CACNA1C: variants seen among roughly 807,000 people sequenced by gnomAD.
The protein encoded by CACNA1C is voltage-dependent L-type calcium channel subunit alpha-1C.
CACNA1C carries 30 observed loss-of-function variants against 229.0 expected under a neutral mutation model. The observed-to-expected ratio is 0.13, with a 90% CI of 0.10 to 0.18. The LOEUF is 0.18. Among genes scored for constraint, CACNA1C ranks in the 10% least tolerant of loss-of-function variants. CACNA1C has a pLI of 1.00. For synonymous variants in CACNA1C, 1,114 were observed against 1,132.5 expected (o/e 0.98, Z 0.33); for missense variants, 1,658 against 2,845.0 (o/e 0.58, Z 9.49).
chr12:2,153,947 A>G (rs1346596457), intron 3 of CACNA1C, among the ~76,000 whole-genome samples: 1 of 152,194 alleles, frequency 6.6e-6, no homozygotes, highest in Non-Finnish European at 1.5e-5. Context: ...CCGTCCTTGG[A>G]CATTTATTTC....
intron 1 of CACNA1C, among the ~76,000 whole-genome samples, chr12:1,995,139 T>A (rs2040486994): frequency 6.6e-6 from 1 of 152,120 alleles, no homozygotes; most frequent in South Asian, 2.1e-4. Context: ...TAGTAAGAAA[T>A]CCTTGAAAAT....
intron 13 of CACNA1C, among the ~76,000 whole-genome samples, chr12:2,577,495 C>T (rs566962988): frequency 1.2e-4 from 18 of 152,326 alleles, no homozygotes; most frequent in African/African-American, 4.1e-4. Flanking sequence ...ATGGAACAGT[C>T]AGGAATCTCA....
At chr12:2,073,820 C>G (rs1003886052) in intron 1 of CACNA1C, among the ~76,000 whole-genome samples, 2 of 152,158 alleles carry the variant, frequency 1.3e-5, no homozygotes, top group Non-Finnish European at 2.9e-5. Context: ...CCTATGACTT[C>G]CAGTTAAATC....
In CACNA1C at chr12:2,638,137, C is replaced by A. The variant is rs546777930; in HGVS notation, c.3912+3757C>A. ...TAGAAGGGAATAATCAGACAATTCACAATGCAATGAGGACAGAAAATAAGG... is the reference window on the plus strand; with the variant it reads ...TAGAAGGGAATAATCAGACAATTCAAAATGCAATGAGGACAGAAAATAAGG... On this transcript the variant is annotated intron_variant, in intron 30 of 46. Transcript: ENST00000399655. Among the ~76,000 whole-genome samples the A allele has an allele frequency of 2.0e-5, 3 of 152,252 alleles. No individual in the cohort carries two copies. The South Asian group carries it at 6.2e-4, about 32-fold the overall frequency.
In CACNA1C at chr12:2,346,291, G is replaced by T. The variant is rs886172613; in HGVS notation, c.478-102685G>T. ...ATGTGCCTGTGTCTCTATGTAATGT[G>T]TTTGTGTGTACATTTCTGTGTGTCT... On this transcript the variant is annotated intron_variant, in intron 3 of 46. Transcript: ENST00000399655. The surrounding 1 kb of genome is among the most constrained non-coding windows in gnomAD (Gnocchi z 4.4). Among the ~76,000 whole-genome samples, 2 of 152,038 alleles carry T rather than the reference G, an allele frequency of 1.3e-5. No homozygotes were observed. Among genetic ancestry groups the T allele is most frequent in the African/African-American group, 4.8e-5 (2 of 41,410 alleles).
At chr12:2,500,025 G>A (rs1036272034) in intron 7 of CACNA1C, among the ~76,000 whole-genome samples, 2 of 149,660 alleles carry the variant, frequency 1.3e-5, no homozygotes, top group South Asian at 4.2e-4. Flanking sequence ...CCAGAGCCAG[G>A]CAGGCCAGAG....
chr12:2,207,085 G>A (rs1481918505), intron 3 of CACNA1C, among the ~76,000 whole-genome samples: 1 of 152,192 alleles, frequency 6.6e-6, no homozygotes, highest in East Asian at 1.9e-4. Flanking sequence ...TTGCTTTGGG[G>A]ATGTGTCTGG....
chr12:2,313,344 T>C (rs185065887), intron 3 of CACNA1C, among the ~76,000 whole-genome samples: 2 of 152,284 alleles, frequency 1.3e-5, no homozygotes, highest in Admixed American at 1.3e-4. Context: ...TTGCAGGTGA[T>C]CATTCAGACT....
intron 3 of CACNA1C, among the ~76,000 whole-genome samples, chr12:2,138,832 C>T (rs1597042708): frequency 6.6e-6 from 1 of 150,842 alleles, no homozygotes; most frequent in African/African-American, 2.4e-5. Context: ...TCAGGTATTC[C>T]TTTATAGCAA....
At chr12:2,043,642 C>CTTTTTTT (rs67625680) in intron 1 of CACNA1C, among the ~76,000 whole-genome samples, 5 of 91,382 alleles carry the variant, frequency 5.5e-5, no homozygotes, top group Non-Finnish European at 8.1e-5. Flanking sequence ...ACAGAATATT[C>CTTTTTTT]TTTTTTTTTT....
At chr12:2,014,355 C>G (rs1046783123) in intron 1 of CACNA1C, among the ~76,000 whole-genome samples, 2 of 151,990 alleles carry the variant, frequency 1.3e-5, no homozygotes, top group Non-Finnish European at 2.9e-5. Context: ...ACTCATGGCT[C>G]AGCACTTTCC....
chr12:2,664,476 A>AT (rs2095959394), intron 34 of CACNA1C, among the ~76,000 whole-genome samples: 2 of 152,178 alleles, frequency 1.3e-5, no homozygotes, highest in Admixed American at 6.5e-5. Context: ...AGGACAGTGG[A>AT]TTTTTTTACG....
Position 2,633,980 on chromosome 12 carries a change from G to C in CACNA1C, c.3829-317G>C, listed in dbSNP as rs549030448. On this transcript the variant is annotated intron_variant, in intron 29 of 46. Transcript: ENST00000399655. This position sits in a 1 kb window ranked among gnomAD's most constrained non-coding sequence, Gnocchi z 5.8. The stretch of plus-strand genomic sequence containing the variant: ...CGTGGAGCTGAGCAGAGGGAGTGGC[G>C]GTGCAGGGGACACACCGCCCGGCTC... 6.6e-6 allele frequency among the ~76,000 whole-genome samples: 1 copy of C among 152,192 alleles called. No homozygotes were observed. Among genetic ancestry groups the C allele is most frequent in the South Asian group, 2.1e-4 (1 of 4,826 alleles).
At chr12:2,430,719 T>C (rs1025416245) in intron 3 of CACNA1C, among the ~76,000 whole-genome samples, 3 of 152,128 alleles carry the variant, frequency 2.0e-5, no homozygotes, top group African/African-American at 7.2e-5. Context: ...CTTCCTGGCA[T>C]TGTAGGATCT....
chr12:2,092,346 G>T (rs773785057), intron 1 of CACNA1C, among the ~76,000 whole-genome samples: 1 of 152,176 alleles, frequency 6.6e-6, no homozygotes, highest in African/African-American at 2.4e-5. Flanking sequence ...CCCTCTTCCA[G>T]TTCAAACCTG....
At chr12:2,159,793 G>A (rs561858901) in intron 3 of CACNA1C, among the ~76,000 whole-genome samples, 13 of 152,152 alleles carry the variant, frequency 8.5e-5, no homozygotes, top group African/African-American at 2.9e-4. Context: ...TAGTAGAGAC[G>A]GGGTTTCACC....
intron 9 of CACNA1C, among the ~76,000 whole-genome samples, chr12:2,536,213 C>A (rs1035586175): frequency 5.9e-5 from 9 of 152,148 alleles, no homozygotes; most frequent in African/African-American, 2.2e-4. Context: ...AAGACGGGGC[C>A]CCAGAGAAGA....
At chr12:2,011,280 C>G (rs1420179900) in intron 1 of CACNA1C, 1 of 152,030 alleles carries the variant, frequency 6.6e-6, no homozygotes, top group Non-Finnish European at 1.5e-5. Flanking sequence ...TCTGAAAACA[C>G]AGGCAGCTCT....
At chr12:2,570,079 C>G (rs575643565) in intron 13 of CACNA1C, among the ~76,000 whole-genome samples, 1 of 152,086 alleles carries the variant, frequency 6.6e-6, no homozygotes, top group South Asian at 2.1e-4. Flanking sequence ...TCTTAATGTG[C>G]GTTATGATCA....
Sources: gnomAD v4.1 joint callset for allele counts (sites outside exome capture counted in the v4.1 genomes callset) on GRCh38, gnomAD v4.1.1 for gene constraint, Gnocchi (gnomAD v3.1) non-coding constraint, MANE v1.5 for transcripts, NCBI Gene and HGNC (gene_info 2026-07-23, HGNC 2026-07-21) for gene names.